The following ADAM9 variants were observed in gnomAD, a reference collection of about 807,000 sequenced individuals.
ADAM9 encodes the protein ADAM metallopeptidase domain 9.
In ADAM9, 54 loss-of-function variants were observed where a neutral mutation model predicts 108.1. That is an observed-to-expected ratio of 0.50 (90% CI 0.40 to 0.63). ADAM9 has a LOEUF of 0.63. ADAM9 is among the 20% of genes least tolerant of loss of function. ADAM9 has a pLI of 0.00. For missense variants in ADAM9, 830 were observed against 997.7 expected (o/e 0.83, Z 2.26); for synonymous variants, 316 against 336.0 (o/e 0.94, Z 0.65).
At chr8:39,000,400 G>T (rs1403413757) in intron 1 of ADAM9, among the ~76,000 whole-genome samples, 1 of 152,006 alleles carries the variant, frequency 6.6e-6, no homozygotes, top group East Asian at 1.9e-4. Flanking sequence ...ATTTCATGTT[G>T]TTATTTTAAT....
intron 11 of ADAM9, 79 bp downstream of exon 11, chr8:39,026,889 T>C (rs1417980012): frequency 6.4e-7 from 1 of 1,561,228 alleles, no homozygotes; most frequent in African/African-American, 1.4e-5. Flanking sequence ...TATTCATGTC[T>C]ACATTGGGAA....
rs767418357 is a variant in ADAM9, at chr8:39,011,698, T to C, written c.236T>C (p.Ile79Thr). 4.1e-5 allele frequency: 66 copies of C among 1,611,468 alleles called. No homozygotes were observed. The highest frequency in any genetic ancestry group is 5.3e-5 in the Non-Finnish European group (62 of 1,177,730). ...CAGGCTGAAGGAAAAGAGCATATTATTCACTTGGAAAGGAACAAGTAAGAC... is the reference window on the plus strand; with the variant it reads ...CAGGCTGAAGGAAAAGAGCATATTACTCACTTGGAAAGGAACAAGTAAGAC... ...VIQAEGKEHIIHLERNKDLLP... is the reference protein window; with the variant it reads ...VIQAEGKEHITHLERNKDLLP... The change falls in exon 3 of 22, where the codon ATT becomes ACT. Residue 79 changes from isoleucine to threonine, a missense_variant. Transcript: ENST00000487273.
intron 15 of ADAM9, among the ~76,000 whole-genome samples, chr8:39,074,174 A>C (rs1022433451): frequency 6.6e-6 from 1 of 152,156 alleles, no homozygotes; most frequent in African/African-American, 2.4e-5. Context: ...ACTACCAAAA[A>C]CATCTAGAAA....
At chr8:39,037,458 G>GTT (rs758149510) in intron 11 of ADAM9, among the ~76,000 whole-genome samples, 2,792 of 126,522 alleles carry the variant, frequency 0.022, 61 homozygotes, top group Middle Eastern at 0.041. Context: ...GTGTGTGTGT[G>GTT]TTTTTTTTTT....
chr8:39,031,566 T>G (rs1197045480), intron 11 of ADAM9, among the ~76,000 whole-genome samples: 1 of 152,192 alleles, frequency 6.6e-6, no homozygotes, highest in African/African-American at 2.4e-5. Flanking sequence ...TTTTCAAAGT[T>G]TTTAGCTTCC....
intron 18 of ADAM9, among the ~76,000 whole-genome samples, chr8:39,085,870 G>T (rs924285589): frequency 2.0e-4 from 30 of 151,878 alleles, no homozygotes; most frequent in Non-Finnish European, 3.4e-4. Flanking sequence ...TTTGGCCATC[G>T]TTTCTTCGAA....
At chr8:39,006,906 TGA>T (rs1463770200) in intron 1 of ADAM9, among the ~76,000 whole-genome samples, 22 of 152,202 alleles carry the variant, frequency 1.4e-4, no homozygotes, top group African/African-American at 5.1e-4. Flanking sequence ...GCTACATTGT[TGA>T]GTATGTATTT....
At chr8:39,035,853 T>C (rs1330896849) in intron 11 of ADAM9, among the ~76,000 whole-genome samples, 1 of 152,006 alleles carries the variant, frequency 6.6e-6, no homozygotes, top group African/African-American at 2.4e-5. Flanking sequence ...AAAAAAAGAA[T>C]AATTTCTGAA....
At chr8:39,063,282 A>G (rs921359335) in intron 14 of ADAM9, among the ~76,000 whole-genome samples, 2 of 152,152 alleles carry the variant, frequency 1.3e-5, no homozygotes, top group Admixed American at 1.3e-4. Flanking sequence ...TAGGTTTAGA[A>G]CCAATGAGAT....
At chr8:39,066,250 C>G (rs1372690556) in intron 14 of ADAM9, among the ~76,000 whole-genome samples, 1 of 152,138 alleles carries the variant, frequency 6.6e-6, no homozygotes, top group East Asian at 1.9e-4. Flanking sequence ...GATTTATAAT[C>G]CTTTGGGTAT....
chr8:39,089,259 G>GA (rs560658230), intron 18 of ADAM9, among the ~76,000 whole-genome samples: 14 of 150,388 alleles, frequency 9.3e-5, no homozygotes, highest in East Asian at 7.8e-4. Flanking sequence ...GAAAAGAAAA[G>GA]AAAAAAAAAT....
At chr8:39,069,291 A>C (rs1381012998) in intron 14 of ADAM9, among the ~76,000 whole-genome samples, 1 of 152,000 alleles carries the variant, frequency 6.6e-6, no homozygotes, top group Non-Finnish European at 1.5e-5. Context: ...GAGGGAGGGA[A>C]AATACGTGCA....
At chr8:39,101,700 A>G (rs1192465634) in intron 20 of ADAM9, among the ~76,000 whole-genome samples, 163 bp from the exon 21 acceptor site, 2 of 152,088 alleles carry the variant, frequency 1.3e-5, no homozygotes, top group African/African-American at 4.8e-5. Flanking sequence ...CCAAAATTGG[A>G]AAAAAAATCT....
At chr8:39,018,422 T>A (rs1018145350) in intron 6 of ADAM9, among the ~76,000 whole-genome samples, 1 of 152,228 alleles carries the variant, frequency 6.6e-6, no homozygotes, top group Non-Finnish European at 1.5e-5. Flanking sequence ...TTAGTGGATA[T>A]GTTTTCTTTA....
intron 11 of ADAM9, among the ~76,000 whole-genome samples, chr8:39,027,944 T>C (rs1423071055): frequency 6.6e-6 from 1 of 151,988 alleles, no homozygotes; most frequent in African/African-American, 2.4e-5. Flanking sequence ...AAATATTAAC[T>C]GGGTGTGTTG....
chr8:39,071,215 A>T, intron 14 of ADAM9, 83 bp from the exon 15 acceptor site: 1 of 1,299,696 alleles, frequency 7.7e-7, no homozygotes, highest in Non-Finnish European at 1.1e-6. Flanking sequence ...CCAGGTGTTT[A>T]GACTGTTGTA....
chr8:39,053,539 A>T (rs916390665), intron 12 of ADAM9, among the ~76,000 whole-genome samples: 1 of 152,234 alleles, frequency 6.6e-6, no homozygotes, highest in African/African-American at 2.4e-5. Flanking sequence ...TTATGAAATA[A>T]TTATAATCTG....
chr8:39,045,084 A>ATACATACATATGTGTGTG (rs1225533721), intron 12 of ADAM9, among the ~76,000 whole-genome samples: 1 of 27,188 alleles, frequency 3.7e-5, no homozygotes, highest in Non-Finnish European at 6.8e-5. Context: ...GTGTGTGTGC[A>ATACATACATATGTGTGTG]TACATACATA....
chr8:39,007,801 T>C (rs1195460223), intron 1 of ADAM9, 85 bp from the exon 2 acceptor site: 1 of 927,786 alleles, frequency 1.1e-6, no homozygotes, highest in African/African-American at 1.6e-5. Flanking sequence ...TTTCTGTGAT[T>C]TGAACATTTT....
Sources: allele counts gnomAD v4.1 joint callset (sites outside exome capture counted in the v4.1 genomes callset), GRCh38; gene constraint gnomAD v4.1.1; transcripts MANE v1.5; gene names NCBI Gene and HGNC (gene_info 2026-07-23, HGNC 2026-07-21).